Variants in ABCD3 observed in about 807,000 individuals in gnomAD.
ABCD3 encodes ATP-binding cassette sub-family D member 3.
ABCD3 carries 41 observed loss-of-function variants against 105.5 expected under a neutral mutation model. That is an observed-to-expected ratio of 0.39 (90% CI 0.30 to 0.50). ABCD3 has a LOEUF of 0.50. ABCD3 is among the 20% of genes least tolerant of loss of function. ABCD3 has a pLI of 0.84. For missense variants in ABCD3, 622 were observed against 806.3 expected (o/e 0.77, Z 2.77); for synonymous variants, 258 against 269.0 (o/e 0.96, Z 0.40).
At chr1:94,438,831 G>A (rs151264923) in intron 1 of ABCD3, among the ~76,000 whole-genome samples, 3 of 152,238 alleles carry the variant, frequency 2.0e-5, no homozygotes, top group South Asian at 2.1e-4. Context: ...ACACAGTATA[G>A]TGTAAACATA....
At chr1:94,479,157 TTC>T (rs1193137156) in intron 8 of ABCD3, among the ~76,000 whole-genome samples, 1 of 152,178 alleles carries the variant, frequency 6.6e-6, no homozygotes, top group Non-Finnish European at 1.5e-5. Context: ...TTTCGAATTT[TTC>T]TGTTTATTTT....
At chr1:94,452,714 T>C (rs1261993978) in intron 1 of ABCD3, among the ~76,000 whole-genome samples, 4 of 151,384 alleles carry the variant, frequency 2.6e-5, no homozygotes, top group Admixed American at 6.6e-5. Flanking sequence ...GTGTCAATGG[T>C]TTTTTTTGTT....
intron 3 of ABCD3, among the ~76,000 whole-genome samples, chr1:94,466,563 A>G (rs1457402970): frequency 6.6e-6 from 1 of 152,196 alleles, no homozygotes; most frequent in African/African-American, 2.4e-5. Context: ...TTTGTTTACA[A>G]CATCATGTCT....
intron 1 of ABCD3, among the ~76,000 whole-genome samples, chr1:94,448,569 G>A (rs1570757642): frequency 6.6e-6 from 1 of 152,324 alleles, no homozygotes; most frequent in East Asian, 1.9e-4. Flanking sequence ...TTGAGGTATT[G>A]ACTGCTTTTA....
At position 94,467,899 on chromosome 1, in the gene ABCD3, C is replaced by G. The variant is rs201160279; in HGVS notation, c.247-20C>G. The G allele has an allele frequency of 7.8e-5, 122 of 1,555,258 alleles. 1 individual carries two copies. In the East Asian group the frequency reaches 2.2e-3, roughly 28 times the overall value. ...TTCTAAAATGCATGTATTTAATTTA[C>G]TATACCTGGTTTATTTTAGACAGGT... On this transcript the variant is annotated intron_variant, in intron 3 of 22. Coordinates refer to ENST00000370214, the MANE Select transcript of ABCD3 (RefSeq NM_002858.4).
upstream of ABCD3, among the ~76,000 whole-genome samples, chr1:94,416,379 T>C (rs1014747500): frequency 3.3e-5 from 5 of 152,326 alleles, no homozygotes; most frequent in African/African-American, 1.2e-4. Context: ...CTTGTTCATA[T>C]CTCTAATATA....
intron 20 of ABCD3, among the ~76,000 whole-genome samples, chr1:94,502,560 A>G (rs1427377666): frequency 6.6e-6 from 1 of 151,158 alleles, no homozygotes; most frequent in African/African-American, 2.4e-5. Context: ...GCAGTGGCAC[A>G]ATCTCAGCTT....
Position 94,445,668 on chromosome 1 carries a change from G to A in ABCD3, c.111-12939G>A, listed in dbSNP as rs184026345. On this transcript the variant is annotated intron_variant, in intron 1 of 22. Coordinates refer to ENST00000370214, the MANE Select transcript of ABCD3 (RefSeq NM_002858.4). ...CTTTCTTTTCCAGAGGACACTGGGC[G>A]AAAAGTAGTTGCCCCAGTGACTGTT... 5.2e-3 allele frequency among the ~76,000 whole-genome samples: 791 copies of A among 152,274 alleles called. 7 individuals carry two copies. The highest frequency in any genetic ancestry group is 0.018 in the African/African-American group (744 of 41,558).
chr1:94,448,613 A>G (rs907012607), intron 1 of ABCD3, among the ~76,000 whole-genome samples: 1 of 152,218 alleles, frequency 6.6e-6, no homozygotes, highest in South Asian at 2.1e-4. Flanking sequence ...GATTCTTCAT[A>G]TGTGGTTCAT....
intron 4 of ABCD3, among the ~76,000 whole-genome samples, chr1:94,473,422 A>G (rs1289340285): frequency 1.3e-5 from 2 of 152,126 alleles, no homozygotes; most frequent in Non-Finnish European, 2.9e-5. Context: ...TTTATTCATA[A>G]TAACCCATTC....
At chr1:94,398,651 C>T in the ABCD3 span, among the ~76,000 whole-genome samples, 8 of 152,164 alleles carry the variant, frequency 5.3e-5, no homozygotes, top group Admixed American at 2.6e-4. Flanking sequence ...CAGTGGCTCA[C>T]GCCTGTAATC....
rs1650979227 is a variant in ABCD3 at position 94,517,599 on chromosome 1, T to C, written c.*470T>C. The C allele has an allele frequency of 5.6e-6, 1 of 178,436 alleles. No homozygotes were observed. The highest frequency in any genetic ancestry group is 5.6e-5 in the Admixed American group (1 of 17,864). The allele number at this position is 178,436 out of a possible 1,614,324, so 11.1% of individuals were successfully genotyped here. Reference sequence around the variant, plus strand: ...TAGTTGGAAACAAATCATAATGTATTATTTAAATGTTTAACATCATTGCAT... The same window carrying C: ...TAGTTGGAAACAAATCATAATGTATCATTTAAATGTTTAACATCATTGCAT... On this transcript the variant is annotated 3_prime_UTR_variant, in exon 23 of 23. Transcript: ENST00000370214.
chr1:94,484,828 G>A (rs1649208613), intron 10 of ABCD3, among the ~76,000 whole-genome samples: 1 of 152,098 alleles, frequency 6.6e-6, no homozygotes, highest in South Asian at 2.1e-4. Context: ...TACAGAGGTT[G>A]CTTAGGAGCC....
chr1:94,418,960 T>C (rs1014200669), intron 1 of ABCD3: 1 of 293,594 alleles, frequency 3.4e-6, no homozygotes, highest in African/African-American at 2.3e-5. Flanking sequence ...GGGTGTGTTC[T>C]GGTTTTGCCA....
intron 1 of ABCD3, among the ~76,000 whole-genome samples, chr1:94,431,140 G>A (rs1659656892): frequency 1.3e-5 from 2 of 152,168 alleles, no homozygotes; most frequent in African/African-American, 4.8e-5. Context: ...CAGCTTGCAT[G>A]AAAGTCAAAC....
intron 1 of ABCD3, among the ~76,000 whole-genome samples, chr1:94,429,010 A>T (rs556846714): frequency 6.6e-6 from 1 of 152,222 alleles, no homozygotes; most frequent in Non-Finnish European, 1.5e-5. Flanking sequence ...AAAAATGCTG[A>T]TAGTGATATG....
At chr1:94,493,559 G>A (rs1253850123) in intron 16 of ABCD3, among the ~76,000 whole-genome samples, 1 of 151,484 alleles carries the variant, frequency 6.6e-6, no homozygotes, top group Non-Finnish European at 1.5e-5. Flanking sequence ...TCTAGAACTA[G>A]AAATACCATT....
intron 1 of ABCD3, among the ~76,000 whole-genome samples, chr1:94,438,310 A>ACACG (rs1659990696): frequency 7.9e-6 from 1 of 126,374 alleles, no homozygotes; most frequent in African/African-American, 3.1e-5. Flanking sequence ...ATACACACAC[A>ACACG]CACACACACA....
intron 22 of ABCD3, among the ~76,000 whole-genome samples, chr1:94,515,847 C>T (rs1650895301): frequency 7.1e-6 from 1 of 141,786 alleles, no homozygotes; most frequent in African/African-American, 2.5e-5. Context: ...TTCCTTTCTT[C>T]CTTCCTTTCT....
Sources: gnomAD v4.1 joint callset for allele counts (sites outside exome capture counted in the v4.1 genomes callset) on GRCh38, gnomAD v4.1.1 for gene constraint, MANE v1.5 for transcripts, NCBI Gene and HGNC (gene_info 2026-07-23, HGNC 2026-07-21) for gene names.